UBE3C: variants seen among roughly 807,000 people sequenced by gnomAD.
UBE3C encodes the protein ubiquitin-protein ligase E3C.
In UBE3C, 42 loss-of-function variants were observed where a neutral mutation model predicts 129.4. The observed-to-expected ratio is 0.32, with a 90% CI of 0.25 to 0.42. The LOEUF (loss-of-function observed/expected upper bound fraction) is 0.42. Ranked by LOEUF, UBE3C falls within the 10% of genes least tolerant of loss-of-function variation. The probability of loss-of-function intolerance (pLI) is 1.00; values close to 1 mark genes in which losing one functional copy is unlikely to be tolerated. For missense variants in UBE3C, 1,049 were observed against 1,319.1 expected, an observed-to-expected ratio of 0.80 and a Z score of 3.17; for synonymous variants, 510 against 492.4, an observed-to-expected ratio of 1.04 and a Z score of -0.47.
intron 1 of UBE3C, 62 bp downstream of exon 1, chr7:157,139,400 G>GGGACTCGGGCTT: frequency 8.4e-7 from 1 of 1,186,292 alleles, no homozygotes; most frequent in Non-Finnish European, 1.1e-6. Flanking sequence ...GCTCGGGGCT[G>GGGACTCGGGCTT]GGACTCGGGG....
At chr7:157,144,399 C>T (rs1807544397) in intron 1 of UBE3C, among the ~76,000 whole-genome samples, 1 of 152,106 alleles carries the variant, frequency 6.6e-6, no homozygotes, top group Non-Finnish European at 1.5e-5. Context: ...ATAGTTTTGT[C>T]TGTTTTGGGA....
chr7:157,246,525 G>GGTA (rs1452468418), intron 18 of UBE3C, among the ~76,000 whole-genome samples: 16 of 152,296 alleles, frequency 1.1e-4, no homozygotes, highest in African/African-American at 3.4e-4. Context: ...ATAAAGTTTT[G>GGTA]TTTTGATTTT....
chr7:157,209,712 C>A (rs1356042725), intron 13 of UBE3C, among the ~76,000 whole-genome samples: 1 of 152,128 alleles, frequency 6.6e-6, no homozygotes, highest in Non-Finnish European at 1.5e-5. Context: ...TCATAATTTC[C>A]ATGACAGGCT....
At chr7:157,224,200 T>G (rs940921193) in intron 16 of UBE3C, among the ~76,000 whole-genome samples, 1 of 151,952 alleles carries the variant, frequency 6.6e-6, no homozygotes, top group African/African-American at 2.4e-5. Context: ...TTTTTTTTGT[T>G]TTTTATTTTT....
intron 1 of UBE3C, among the ~76,000 whole-genome samples, chr7:157,148,793 C>T (rs1454753439): frequency 6.9e-6 from 1 of 145,250 alleles, no homozygotes; most frequent in Non-Finnish European, 1.5e-5. Context: ...GGCTGGAGTG[C>T]AGTAGCTATT....
intron 8 of UBE3C, among the ~76,000 whole-genome samples, 195 bp downstream of exon 8, chr7:157,182,523 A>G (rs56371005): frequency 0.019 from 2,852 of 152,226 alleles, 87 homozygotes; most frequent in African/African-American, 0.065. Context: ...AGACTGACAT[A>G]TATATGTGTC....
At chr7:157,241,654 C>G (rs1339983097) in intron 18 of UBE3C, among the ~76,000 whole-genome samples, 1 of 152,222 alleles carries the variant, frequency 6.6e-6, no homozygotes, top group Non-Finnish European at 1.5e-5. Context: ...AGCAGTTCCT[C>G]AAAAGGTTAA....
At chr7:157,265,908 CT>C (rs1195710063) in intron 22 of UBE3C, among the ~76,000 whole-genome samples, 2 of 152,170 alleles carry the variant, frequency 1.3e-5, no homozygotes, top group African/African-American at 4.8e-5. Flanking sequence ...CCCTGATCAT[CT>C]TTCTTTTTTG....
At chr7:157,212,350 T>G (rs1195004916) in intron 13 of UBE3C, among the ~76,000 whole-genome samples, 1 of 152,238 alleles carries the variant, frequency 6.6e-6, no homozygotes, top group Non-Finnish European at 1.5e-5. Flanking sequence ...ATGTACTTAA[T>G]TTTTTGGTTG....
At chr7:157,223,129 A>C (rs773519555) in intron 15 of UBE3C, 125 bp from the exon 16 acceptor site, 1 of 1,001,408 alleles carries the variant, frequency 1.0e-6, no homozygotes, top group African/African-American at 1.6e-5. Context: ...GGATGTGTTC[A>C]TGGAACTGGA....
In UBE3C at chr7:157,254,284, A is replaced by G; in HGVS notation, c.2924A>G (p.Asp975Gly). ...SGAQVPISLEDLKSFTNYSGG... is the reference protein window; with the variant it reads ...SGAQVPISLEGLKSFTNYSGG... ...GCACAAGTTCCCATAAGCCTAGAGG[A>G]CCTAAAATCCTTTACAAACTATTCA... Residue 975 changes from aspartate to glycine, a missense_variant, in exon 21 of 23, where the codon GAC becomes GGC. By Grantham distance (94) the Asp-to-Gly change is moderately conservative. Transcript: ENST00000348165. The G allele has an allele frequency of 6.2e-7, 1 of 1,613,028 alleles. No individual in the cohort carries two copies. The highest frequency in any genetic ancestry group is 2.2e-5 in the East Asian group (1 of 44,884).
intron 18 of UBE3C, among the ~76,000 whole-genome samples, chr7:157,232,059 G>A (rs1796035471): frequency 6.6e-6 from 1 of 152,150 alleles, no homozygotes; most frequent in Admixed American, 6.5e-5. Context: ...TTTGCCAGTA[G>A]CCCTTGACCT....
At chr7:157,177,546 C>A (rs964789415) in intron 5 of UBE3C, among the ~76,000 whole-genome samples, 4 of 152,232 alleles carry the variant, frequency 2.6e-5, no homozygotes, top group Admixed American at 1.3e-4. Context: ...CACCGCCCGC[C>A]GCTGCCCTTT....
intron 22 of UBE3C, among the ~76,000 whole-genome samples, chr7:157,262,409 CTT>C (rs371300314): frequency 1.1e-3 from 59 of 54,026 alleles, no homozygotes; most frequent in African/African-American, 3.0e-3. Flanking sequence ...TCTTCATAGG[CTT>C]TTTTTTTTTT....
chr7:157,262,841 G>A (rs1300755835), intron 22 of UBE3C, among the ~76,000 whole-genome samples: 4 of 152,172 alleles, frequency 2.6e-5, no homozygotes, highest in Non-Finnish European at 2.9e-5. Context: ...CCAGTTGGGT[G>A]CCTGTTGTGC....
chr7:157,157,625 A>T (rs1174897401), intron 1 of UBE3C, among the ~76,000 whole-genome samples: 1 of 152,210 alleles, frequency 6.6e-6, no homozygotes, highest in Admixed American at 6.5e-5. Context: ...AAGGATATCC[A>T]CTGCAGTTTT....
chr7:157,208,417 GATTA>G (rs1809500713), intron 13 of UBE3C, among the ~76,000 whole-genome samples: 1 of 151,926 alleles, frequency 6.6e-6, no homozygotes, highest in African/African-American at 2.4e-5. Flanking sequence ...TAGTACTTTT[GATTA>G]ATTAAGGTAA....
chr7:157,164,479 A>G, intron 2 of UBE3C: 1 of 456,742 alleles, frequency 2.2e-6, no homozygotes, highest in Non-Finnish European at 4.4e-6. Context: ...TTCATGAAGC[A>G]TAAGGAGAAA....
intron 18 of UBE3C, 95 bp from the exon 19 acceptor site, chr7:157,248,273 T>C: frequency 8.9e-7 from 1 of 1,122,646 alleles, no homozygotes; most frequent in Non-Finnish European, 1.3e-6. Flanking sequence ...CCTGCTCTCT[T>C]AGGATTGGGT....
Sources: allele counts gnomAD v4.1 joint callset (sites outside exome capture counted in the v4.1 genomes callset), GRCh38; gene constraint gnomAD v4.1.1; transcripts MANE v1.5; gene names NCBI Gene and HGNC (gene_info 2026-07-23, HGNC 2026-07-21).